TTC6: variants seen among roughly 807,000 people sequenced by gnomAD.
TTC6 encodes tetratricopeptide repeat protein 6.
A neutral mutation model predicts 210.4 loss-of-function variants in TTC6; 172 were observed. That is an observed-to-expected ratio of 0.82 (90% CI 0.72 to 0.93). The LOEUF (loss-of-function observed/expected upper bound fraction) is 0.93, where lower values mean the gene tolerates loss of function less well. Ranked by LOEUF, TTC6 falls within the 40% of genes least tolerant of loss-of-function variation. TTC6 has a pLI of 0.00. For missense variants in TTC6, 2,414 were observed against 2,318.1 expected (o/e 1.04, Z -0.85); for synonymous variants, 804 against 819.6 (o/e 0.98, Z 0.32).
chr14:37,666,383 T>G (rs553060127), intron 1 of TTC6, among the ~76,000 whole-genome samples: 3 of 145,958 alleles, frequency 2.1e-5, no homozygotes, highest in Non-Finnish European at 3.0e-5. Context: ...GTGGCTGAAG[T>G]GCGAGGATCA....
chr14:37,636,388 A>G (rs1329140174), intron 1 of TTC6, among the ~76,000 whole-genome samples: 1 of 152,206 alleles, frequency 6.6e-6, no homozygotes, highest in Non-Finnish European at 1.5e-5. Context: ...ATGAACCTTA[A>G]TACATCTAAA....
Position 37,696,699 on chromosome 14 carries a change from C to T in TTC6, c.1258-18C>T. The T allele has an allele frequency of 2.3e-6, 3 of 1,322,178 alleles. No individual in the cohort carries two copies. The highest frequency in any genetic ancestry group is 3.0e-6 in the Non-Finnish European group (3 of 996,106). 81.9% of individuals were successfully genotyped at this position (1,322,178 alleles called of 1,614,324 possible). On this transcript the variant is annotated intron_variant, in intron 3 of 30. Transcript: ENST00000553443. ...TGTTACATCTTCTCTTAACAGCACA[C>T]TTTATATTTTCTTAAAGGCAAAATC...
At chr14:37,669,087 C>T (rs913891174) in intron 1 of TTC6, among the ~76,000 whole-genome samples, 1 of 152,182 alleles carries the variant, frequency 6.6e-6, no homozygotes, top group South Asian at 2.1e-4. Flanking sequence ...CAAAGATTGT[C>T]TTTCTTGCAA....
chr14:37,759,065 G>T (rs1188257596), intron 14 of TTC6, among the ~76,000 whole-genome samples: 1 of 152,016 alleles, frequency 6.6e-6, no homozygotes, highest in African/African-American at 2.4e-5. Flanking sequence ...GAGATCAGGA[G>T]ATTGAGACCA....
At chr14:37,749,004 G>A (rs1480334667) in exon 11 of TTC6, 13 of 1,535,156 alleles carry the variant, frequency 8.5e-6, no homozygotes, top group South Asian at 3.6e-5. Context: ...TTATATGAAC[G>A]TCAAATACGG....
intron 1 of TTC6, among the ~76,000 whole-genome samples, chr14:37,600,659 T>C (rs892672934): frequency 6.6e-6 from 1 of 152,232 alleles, no homozygotes; most frequent in Non-Finnish European, 1.5e-5. Flanking sequence ...AATAAAAATA[T>C]ATTCTGCCGG....
intron 1 of TTC6, among the ~76,000 whole-genome samples, chr14:37,638,213 G>C (rs1245615714): frequency 2.0e-5 from 3 of 152,152 alleles, no homozygotes; most frequent in African/African-American, 7.2e-5. Flanking sequence ...CCAAAAGTTA[G>C]ATACTTTATG....
At chr14:37,697,048 A>G (rs2095816243) in intron 4 of TTC6, among the ~76,000 whole-genome samples, 1 of 152,122 alleles carries the variant, frequency 6.6e-6, no homozygotes, top group South Asian at 2.1e-4. Context: ...TGACAAATGT[A>G]CTTACTTTCA....
chr14:37,733,362 C>T (rs2095893040), intron 7 of TTC6, among the ~76,000 whole-genome samples: 1 of 152,008 alleles, frequency 6.6e-6, no homozygotes, highest in Non-Finnish European at 1.5e-5. Context: ...TCATTTTACC[C>T]TCTGCCTAAA....
At chr14:37,638,691 T>C (rs950256479) in intron 1 of TTC6, among the ~76,000 whole-genome samples, 7 of 152,184 alleles carry the variant, frequency 4.6e-5, no homozygotes, top group Non-Finnish European at 7.3e-5. Flanking sequence ...CTTGACTGTA[T>C]CACTGTTGAT....
intron 14 of TTC6, among the ~76,000 whole-genome samples, chr14:37,770,174 G>A (rs1305429522): frequency 6.6e-6 from 1 of 151,990 alleles, no homozygotes; most frequent in Non-Finnish European, 1.5e-5. Context: ...GAGATAGTTT[G>A]TTATAATTTC....
intron 7 of TTC6, among the ~76,000 whole-genome samples, chr14:37,730,583 A>T (rs1242873954): frequency 6.6e-6 from 1 of 152,176 alleles, no homozygotes. Flanking sequence ...TCTGTCTTAC[A>T]TCATTTCCTT....
At chr14:37,622,233 C>A (rs1364166035) in exon 1 of TTC6, 6 of 1,535,262 alleles carry the variant, frequency 3.9e-6, no homozygotes, top group Non-Finnish European at 5.2e-6. Context: ...CCTCCATGCC[C>A]CCGGCCCGGC....
chr14:37,613,556 T>G (rs770320733), intron 2 of TTC6, among the ~76,000 whole-genome samples: 1 of 152,114 alleles, frequency 6.6e-6, no homozygotes, highest in African/African-American at 2.4e-5. Flanking sequence ...TTATGTAAGA[T>G]GGGTGTTATT....
intron 17 of TTC6, among the ~76,000 whole-genome samples, chr14:37,792,689 T>A (rs2096082802): frequency 6.6e-6 from 1 of 151,858 alleles, no homozygotes; most frequent in African/African-American, 2.4e-5. Flanking sequence ...AATATATGCA[T>A]GCGATAGGAA....
At chr14:37,622,211 C>T (rs1455882079) in exon 1 of TTC6, 4 of 1,535,572 alleles carry the variant, frequency 2.6e-6, no homozygotes, top group African/African-American at 2.7e-5. Context: ...TAGATGAAAG[C>T]CCAGTCCACA....
At chr14:37,706,933 G>C (rs2095836670) in intron 5 of TTC6, among the ~76,000 whole-genome samples, 1 of 151,188 alleles carries the variant, frequency 6.6e-6, no homozygotes, top group Non-Finnish European at 1.5e-5. Context: ...TAATAGGTTG[G>C]GTCACCCCAT....
At chr14:37,678,736 A>T (rs543613097) in intron 1 of TTC6, among the ~76,000 whole-genome samples, 1 of 152,262 alleles carries the variant, frequency 6.6e-6, no homozygotes, top group East Asian at 1.9e-4. Flanking sequence ...ATCCTAAAAG[A>T]GTTGCTGTAA....
upstream of TTC6, among the ~76,000 whole-genome samples, chr14:37,620,641 C>G (rs1166025686): frequency 6.6e-6 from 1 of 152,162 alleles, no homozygotes; most frequent in African/African-American, 2.4e-5. Context: ...CTAGCTGGCC[C>G]TGCTGAATAA....
Sources: gnomAD v4.1 joint callset for allele counts (sites outside exome capture counted in the v4.1 genomes callset) on GRCh38, gnomAD v4.1.1 for gene constraint, MANE v1.5 for transcripts, NCBI Gene and HGNC (gene_info 2026-07-23, HGNC 2026-07-21) for gene names.